Variants in AGRN observed in about 807,000 individuals in gnomAD.
AGRN encodes the protein agrin.
In AGRN, 106 loss-of-function variants were observed where a neutral mutation model predicts 211.0. The ratio of observed to expected loss-of-function variants is 0.50; its 90% CI spans 0.43 to 0.59. The LOEUF is 0.59. Among genes scored for constraint, AGRN ranks in the 20% least tolerant of loss-of-function variants. The pLI is 0.00. For synonymous variants in AGRN, 1,525 were observed against 1,332.5 expected, an observed-to-expected ratio of 1.14 and a Z score of -3.15; for missense variants, 3,040 against 2,982.6, an observed-to-expected ratio of 1.02 and a Z score of -0.45.
chr1:1,044,994 T>C (rs1645050512), intron 12 of AGRN, among the ~76,000 whole-genome samples, 167 bp from the exon 13 acceptor site: 1 of 152,198 alleles, frequency 6.6e-6, no homozygotes, highest in Non-Finnish European at 1.5e-5. Context: ...TTGCGTAAGA[T>C]GTGGGAGCCT....
intron 12 of AGRN, among the ~76,000 whole-genome samples, chr1:1,044,874 T>C (rs962416341): frequency 2.6e-5 from 4 of 152,202 alleles, no homozygotes; most frequent in Non-Finnish European, 5.9e-5. Context: ...GATGTCTGTT[T>C]CTCGATTTGC....
At chr1:1,034,450 C>T (rs1644751890) in intron 2 of AGRN, 1 of 985,726 alleles carries the variant, frequency 1.0e-6, no homozygotes, top group African/African-American at 1.7e-5. Flanking sequence ...CTGTCCGCCG[C>T]CCCAGGGGTC....
rs1222286015 is a variant in AGRN, at chr1:1,020,386, G to A, written c.201+13G>A. ...GTACTCCTGCAAGGTGCGCCCACCC[G>A]GACCCCGGCCTCCCCTCGCGACGCC... On this transcript the variant is annotated intron_variant, in intron 1 of 35. Coordinates refer to ENST00000379370, the MANE Select transcript of AGRN (RefSeq NM_198576.4). 7 of 1,491,780 alleles carry A rather than the reference G, an allele frequency of 4.7e-6. No homozygotes were observed. The highest frequency in any genetic ancestry group is 6.3e-6 in the Non-Finnish European group (7 of 1,119,618). 92.4% of individuals were successfully genotyped at this position (1,491,780 alleles called of 1,614,324 possible).
chr1:1,038,498 G>A lies in AGRN; in HGVS notation c.512-2167G>A, dbSNP rs576144178. 9.8e-5 allele frequency among the ~76,000 whole-genome samples: 15 copies of A among 152,368 alleles called. No individual in the cohort carries two copies. In the South Asian group the frequency reaches 3.1e-3, roughly 32 times the overall value. On this transcript the variant is annotated intron_variant, in intron 3 of 35. Transcript: ENST00000379370. ...TCATCACCTTCTTCCCCAAGGCTCT[G>A]TCTTGGGACGTAGCAGGACCTCGGG...
Position 1,043,466 on chromosome 1 carries a change from C to T in AGRN, c.1603+9C>T, listed in dbSNP as rs529318022. On this transcript the variant is annotated intron_variant, in intron 8 of 35. Coordinates refer to ENST00000379370, the MANE Select transcript of AGRN (RefSeq NM_198576.4). ...GCGCAAAGGACCCTGTGGTCAGTGG[C>T]GGGTGAGGGGTCTGGTGGGGGTCGG... The T allele has an allele frequency of 3.8e-6, 6 of 1,596,736 alleles. No individual in the cohort carries two copies. Among genetic ancestry groups the T allele is most frequent in the African/African-American group, 2.7e-5 (2 of 74,764 alleles).
chr1:1,053,374 C>A, intron 33 of AGRN: 1 of 1,186,382 alleles, frequency 8.4e-7, no homozygotes, highest in South Asian at 1.5e-5. Flanking sequence ...TGGGTGCCTG[C>A]TCCTTGCACC....
At position 1,042,014 on chromosome 1, in the gene AGRN, C is replaced by T. The variant is rs781435242; in HGVS notation, c.1236C>T (p.Pro412=). 1.2e-6 allele frequency: 2 copies of T among 1,611,300 alleles called. No homozygotes were observed. The highest frequency in any genetic ancestry group is 1.7e-5 in the Admixed American group (1 of 59,992). The change falls in exon 7 of 36, where the codon CCC becomes CCT. Residue 412 remains proline (P), a synonymous_variant. Coordinates refer to ENST00000379370, the MANE Select transcript of AGRN (RefSeq NM_198576.4). ...NAVCLSRRGR[P]RCSCDRVTCD... is the part of the protein sequence containing the mutation. Reference sequence around the variant, plus strand: ...TGTGCCTGTCCCGCCGTGGCCGTCCCCGCTGCTCCTGCGACCGCGTCACCT... The same window carrying T: ...TGTGCCTGTCCCGCCGTGGCCGTCCTCGCTGCTCCTGCGACCGCGTCACCT...
Position 1,039,806 on chromosome 1 carries a change from C to T in AGRN, c.512-859C>T, listed in dbSNP as rs542479673. ...AGGAGGCAAGAGTGAGGTGGGGGGC[C>T]GGGGGATGCCCAGGGAGGAGGGGGC... On this transcript the variant is annotated intron_variant, in intron 3 of 35. Coordinates refer to ENST00000379370, the MANE Select transcript of AGRN (RefSeq NM_198576.4). Among the ~76,000 whole-genome samples, 14 of 138,578 alleles carry T rather than the reference C, an allele frequency of 1.0e-4. No homozygotes were observed. The East Asian group carries it at 1.1e-3, about 11-fold the overall frequency. 90.9% of individuals were successfully genotyped at this position (138,578 alleles called of 152,430 possible). A position where few individuals can be genotyped will look rare whatever the true frequency, so the allele number is the denominator to read the frequency against.
rs1275152023 is a variant in AGRN, at chr1:1,043,345, C to T, written c.1491C>T (p.Leu497=). The T allele has an allele frequency of 6.2e-7, 1 of 1,610,744 alleles. No individual in the cohort carries two copies. The highest frequency in any genetic ancestry group is 8.5e-7 in the Non-Finnish European group (1 of 1,179,174). ...ACECLQACSS[L]YDPVCGSDGV... ...AATGCCTGCAGGCGTGCTCGAGCCT[C>T]TACGATCCTGTGTGCGGCAGCGACG... is the stretch of plus-strand genomic sequence containing the variant. The change falls in exon 8 of 36, where the codon CTC becomes CTT. Residue 497 remains leucine (L), a synonymous_variant. Transcript: ENST00000379370.
In AGRN at chr1:1,041,536, G is replaced by A; in HGVS notation, c.1011G>A (p.Thr337=). 1.2e-6 allele frequency: 2 copies of A among 1,605,522 alleles called. No homozygotes were observed. The highest frequency in any genetic ancestry group is 1.7e-5 in the Admixed American group (1 of 59,908). The change falls in exon 6 of 36, where the codon ACG becomes ACA. Residue 337 remains threonine (T), a synonymous_variant. Transcript: ENST00000379370. ...PSRSCRVNPR[T]RRPEMLLRPE... ...GCAGCTGCCGTGTGAACCCGCGCAC[G>A]CGGCGCCCTGAGATGCTCCTACGGC...
Position 1,048,403 on chromosome 1 carries a change from C to T in AGRN, c.4105+38C>T. On this transcript the variant is annotated intron_variant, in intron 23 of 35. Coordinates refer to ENST00000379370, the MANE Select transcript of AGRN (RefSeq NM_198576.4). This position sits in a 1 kb window ranked among gnomAD's most constrained non-coding sequence, Gnocchi z 5.9. ...ACTGCAGAGGAGGGCGGGGAGGCAG[C>T]AGGGTGGGGGCAAGGATTGGGGGTG... The T allele has an allele frequency of 8.0e-7, 1 of 1,250,990 alleles. No homozygotes were observed. The highest frequency in any genetic ancestry group is 1.1e-6 in the Non-Finnish European group (1 of 925,578). 77.5% of individuals were successfully genotyped at this position (1,250,990 alleles called of 1,614,324 possible).
intron 7 of AGRN, 131 bp from the exon 8 acceptor site, chr1:1,043,108 G>A: frequency 2.0e-6 from 2 of 1,001,844 alleles, no homozygotes; most frequent in Admixed American, 2.1e-5. Flanking sequence ...CTGTGCATCT[G>A]GCCCTTCTCC....
intron 19 of AGRN, 158 bp from the exon 20 acceptor site, chr1:1,047,169 G>C: frequency 4.4e-6 from 6 of 1,373,636 alleles, no homozygotes; most frequent in Non-Finnish European, 4.8e-6. Flanking sequence ...CCTGGTAACC[G>C]ACACCAGCCC....
intron 7 of AGRN, among the ~76,000 whole-genome samples, chr1:1,042,465 T>C (rs1348227576): frequency 2.0e-5 from 3 of 151,932 alleles, no homozygotes; most frequent in African/African-American, 7.3e-5. Flanking sequence ...GCTGTTGGGG[T>C]GGGCAGGCTG....
rs776480996 is a variant in AGRN, at chr1:1,054,547, G to T, written c.5976G>T (p.Trp1992Cys). The T allele has an allele frequency of 2.2e-5, 35 of 1,591,250 alleles. No homozygotes were observed. Among genetic ancestry groups the T allele is most frequent in the Non-Finnish European group, 3.0e-5 (35 of 1,170,360 alleles). Residue 1992 changes from tryptophan to cysteine, a missense_variant, in exon 35 of 36, where the codon TGG becomes TGT. Coordinates refer to ENST00000379370, the MANE Select transcript of AGRN (RefSeq NM_198576.4). ...AGCTGGACACTGATGGAGCCCTGTGGCTTGGTGAGTGTTTTGGGGAGACTA... is the reference window on the plus strand; with the variant it reads ...AGCTGGACACTGATGGAGCCCTGTGTCTTGGTGAGTGTTTTGGGGAGACTA... Reference protein sequence around the residue: ...ATQLDTDGALWLGGLPELPVG... With the variant: ...ATQLDTDGALCLGGLPELPVG...
In AGRN at chr1:1,029,183, C is replaced by A. The variant is rs150962334; in HGVS notation, c.464-6094C>A. 2.2e-3 allele frequency among the ~76,000 whole-genome samples: 337 copies of A among 152,314 alleles called. 1 individual carries two copies. Among genetic ancestry groups the A allele is most frequent in the South Asian group, 4.6e-3 (22 of 4,828 alleles). ...CCAGAGAGCCCCAGTGCTCCACCCA[C>A]TCCAGGCCCCAACCCCCACCTTCTG... On this transcript the variant is annotated intron_variant, in intron 2 of 35. Coordinates refer to ENST00000379370, the MANE Select transcript of AGRN (RefSeq NM_198576.4).
At position 1,043,452 on chromosome 1, in the gene AGRN, C is replaced by T; in HGVS notation, c.1598C>T (p.Pro533Leu). 1.2e-6 allele frequency: 2 copies of T among 1,606,296 alleles called. No homozygotes were observed. Among genetic ancestry groups the T allele is most frequent in the South Asian group, 1.1e-5 (1 of 90,894 alleles). Residue 533 changes from proline to leucine, a missense_variant, in exon 8 of 36, where the codon CCC becomes CTC. Coordinates refer to ENST00000379370, the MANE Select transcript of AGRN (RefSeq NM_198576.4). ...GAGATCCAGGTGGCGCGCAAAGGAC[C>T]CTGTGGTCAGTGGCGGGTGAGGGGT... ...GREIQVARKG[P>L]CDRCGQCRFG...
Position 1,051,545 on chromosome 1 carries a change from C to T in AGRN, c.5463C>T (p.Ala1821=). 6.4e-7 allele frequency: 1 copy of T among 1,572,386 alleles called. No homozygotes were observed. The highest frequency in any genetic ancestry group is 8.6e-7 in the Non-Finnish European group (1 of 1,158,388). ...TTGCAGGTCACCCCTGCACCCGGGC[C>T]TCAGGCCACCCCTGCCTCAATGGGG... ...TSFAGHPCTR[A]SGHPCLNGAS... is the part of the protein sequence containing the mutation. Residue 1821 remains alanine, a synonymous_variant, in exon 32 of 36, where the codon GCC becomes GCT. Coordinates refer to ENST00000379370, the MANE Select transcript of AGRN (RefSeq NM_198576.4).
chr1:1,050,681 G>T, intron 29 of AGRN, 45 bp from the exon 30 acceptor site: 1 of 1,602,306 alleles, frequency 6.2e-7, no homozygotes, highest in Non-Finnish European at 8.5e-7. Flanking sequence ...GTGGTCGCGT[G>T]GCCGGTGGTG....
Sources: allele counts gnomAD v4.1 joint callset (sites outside exome capture counted in the v4.1 genomes callset), GRCh38; gene constraint gnomAD v4.1.1; non-coding constraint Gnocchi (gnomAD v3.1); transcripts MANE v1.5; gene names NCBI Gene and HGNC (gene_info 2026-07-23, HGNC 2026-07-21).